The following SYTL4 variants were observed in gnomAD, a reference collection of about 807,000 sequenced individuals.
SYTL4 encodes synaptotagmin like 4.
In SYTL4, 16 loss-of-function variants were observed where a neutral mutation model predicts 52.7. That is an observed-to-expected ratio of 0.30 (90% CI 0.21 to 0.46). SYTL4 has a LOEUF of 0.46. Ranked by LOEUF, SYTL4 falls within the 20% of genes least tolerant of loss-of-function variation. The pLI is 1.00. For missense variants in SYTL4, 423 were observed against 519.9 expected, an observed-to-expected ratio of 0.81 and a Z score of 1.81; for synonymous variants, 160 against 186.6, an observed-to-expected ratio of 0.86 and a Z score of 1.16.
intron 2 of SYTL4, among the ~76,000 whole-genome samples, chrX:100,717,265 C>A (rs1445127004): frequency 3.8e-5 from 4 of 105,522 alleles, no homozygotes. Context: ...AAAAAAAAAA[C>A]ATGGTAACCA....
chrX:100,688,195 T>C (rs1205604304), intron 13 of SYTL4, 156 bp downstream of exon 13: 7 of 450,970 alleles, frequency 1.6e-5, no homozygotes, highest in South Asian at 1.2e-4. Flanking sequence ...TAAGCACCTA[T>C]AGTCTAAATT....
intron 16 of SYTL4, 87 bp from the exon 17 acceptor site, chrX:100,681,422 C>T (rs898548644): frequency 3.0e-6 from 2 of 677,664 alleles, no homozygotes; most frequent in Admixed American, 6.0e-5. Context: ...AAAATTACCC[C>T]CCAAGAACAG....
intron 8 of SYTL4, among the ~76,000 whole-genome samples, chrX:100,698,286 T>C (rs190640283): frequency 1.8e-5 from 2 of 110,103 alleles, no homozygotes; most frequent in Non-Finnish European, 3.8e-5. Context: ...TGTATTTTTA[T>C]TAGAGACGGG....
rs1049082541 is a variant in SYTL4, at chrX:100,676,261, C to A, written c.1868-85G>T. The stretch of plus-strand genomic sequence containing the variant: ...ATGGGTTGTACAGCAAGATTAGCCA[C>A]CCCATAACAGTTTCCTACGAAGATG... On this transcript the variant is annotated intron_variant, in intron 19 of 19. Coordinates refer to ENST00000372989, the MANE Select transcript of SYTL4 (RefSeq NM_001370165.1). The A allele has an allele frequency of 9.6e-6, 10 of 1,041,689 alleles. No individual in the cohort carries two copies. In the South Asian group the frequency reaches 1.1e-4, roughly 11 times the overall value. The allele number at this position is 1,041,689 out of a possible 1,213,427, so 85.8% of individuals were successfully genotyped here. A position where few individuals can be genotyped will look rare whatever the true frequency, so the allele number is the denominator to read the frequency against.
chrX:100,710,443 AG>A (rs2084045101), intron 2 of SYTL4, among the ~76,000 whole-genome samples: 1 of 112,138 alleles, frequency 8.9e-6, no homozygotes, highest in South Asian at 3.7e-4. Flanking sequence ...AGCTACGTCA[AG>A]AAATGTGATG....
intron 2 of SYTL4, 35 bp downstream of exon 2, chrX:100,731,383 G>A (rs2084641549): frequency 8.8e-6 from 1 of 113,350 alleles, no homozygotes; most frequent in Admixed American, 9.3e-5. Context: ...AGCCCACTGA[G>A]GCAGGACTCC....
chrX:100,727,896 G>A (rs767755357), intron 2 of SYTL4, among the ~76,000 whole-genome samples: 3 of 111,862 alleles, frequency 2.7e-5, no homozygotes, highest in African/African-American at 6.5e-5. Flanking sequence ...AAGGGCAATC[G>A]GGAGTGCCGT....
At chrX:100,724,014 T>G (rs1390543239) in intron 2 of SYTL4, among the ~76,000 whole-genome samples, 5 of 60,183 alleles carry the variant, frequency 8.3e-5, no homozygotes, top group Non-Finnish European at 1.2e-4. Context: ...GGGAGGGAGG[T>G]GGGGGGGGTC....
At chrX:100,712,178 A>C (rs757752119) in intron 2 of SYTL4, among the ~76,000 whole-genome samples, 1 of 112,330 alleles carries the variant, frequency 8.9e-6, no homozygotes, top group Non-Finnish European at 1.9e-5. Context: ...ATGGTACTGC[A>C]CAGAAATATA....
At chrX:100,689,776 C>T in intron 12 of SYTL4, 80 bp downstream of exon 12, 1 of 546,435 alleles carries the variant, frequency 1.8e-6, no homozygotes, top group East Asian at 3.6e-5. Context: ...AATAGGTTGA[C>T]TGAGAATATC....
intron 8 of SYTL4, among the ~76,000 whole-genome samples, chrX:100,697,512 G>A (rs1008306587): frequency 3.6e-5 from 4 of 111,938 alleles, no homozygotes; most frequent in African/African-American, 9.7e-5. Flanking sequence ...GAAGTGGAGA[G>A]AAATGAAAAC....
intron 9 of SYTL4, among the ~76,000 whole-genome samples, chrX:100,690,853 G>A (rs886942877): frequency 8.9e-6 from 1 of 112,023 alleles, no homozygotes; most frequent in Admixed American, 9.5e-5. Flanking sequence ...CATTCTTAAG[G>A]GACAGCAGCA....
intron 2 of SYTL4, among the ~76,000 whole-genome samples, chrX:100,710,089 C>A (rs2084038066): frequency 9.0e-6 from 1 of 111,659 alleles, no homozygotes; most frequent in Non-Finnish European, 1.9e-5. Context: ...GGCCAAAAGG[C>A]TGAACTGATA....
intron 2 of SYTL4, among the ~76,000 whole-genome samples, chrX:100,709,642 G>C (rs1057367820): frequency 8.9e-6 from 1 of 112,332 alleles, no homozygotes; most frequent in African/African-American, 3.2e-5. Flanking sequence ...GCAAAATGAA[G>C]ATAAAAATTG....
intron 2 of SYTL4, among the ~76,000 whole-genome samples, chrX:100,731,044 A>G (rs967523530): frequency 9.0e-6 from 1 of 111,300 alleles, no homozygotes; most frequent in Non-Finnish European, 1.9e-5. Context: ...CAAGCACAGT[A>G]CTCTGGAATT....
At chrX:100,708,289 T>C (rs2084000735) in intron 2 of SYTL4, among the ~76,000 whole-genome samples, 1 of 111,253 alleles carries the variant, frequency 9.0e-6, no homozygotes, top group Admixed American at 9.6e-5. Context: ...AAAATGAGGA[T>C]AATATGTTAA....
At chrX:100,730,376 C>T (rs1436565457) in intron 2 of SYTL4, among the ~76,000 whole-genome samples, 1 of 111,092 alleles carries the variant, frequency 9.0e-6, no homozygotes, top group East Asian at 2.8e-4. Flanking sequence ...TAGTCCTCAT[C>T]CATGAGCTAT....
rs774003369 is a variant in SYTL4 at position 100,693,877 on chromosome X, A to T, written c.540-2668T>A. Among the ~76,000 whole-genome samples the T allele has an allele frequency of 3.5e-5, 4 of 112,860 alleles. No individual in the cohort carries two copies. The South Asian group carries it at 1.5e-3, about 42-fold the overall frequency. On this transcript the variant is annotated intron_variant, in intron 8 of 19. Coordinates refer to ENST00000372989, the MANE Select transcript of SYTL4 (RefSeq NM_001370165.1). ...ATAAAAGACAATGAAATTCTGATAC[A>T]TGCTGCAACATGGATGAACTTTGAA...
At chrX:100,724,122 C>A in intron 2 of SYTL4, among the ~76,000 whole-genome samples, 1 of 72,771 alleles carries the variant, frequency 1.4e-5, no homozygotes, top group African/African-American at 6.1e-5. Flanking sequence ...CCCGGCCAGC[C>A]GCCCCGTCCG....
Sources: gnomAD v4.1 joint callset for allele counts (sites outside exome capture counted in the v4.1 genomes callset) on GRCh38, gnomAD v4.1.1 for gene constraint, MANE v1.5 for transcripts, NCBI Gene and HGNC (gene_info 2026-07-23, HGNC 2026-07-21) for gene names.